Variants in EHBP1L1 observed in about 807,000 individuals in gnomAD.
EHBP1L1 encodes EH domain binding protein 1 like 1, also known as EH domain-binding protein 1-like protein 1.
Under a neutral mutation model 151.1 loss-of-function variants are expected in EHBP1L1, and 122 were observed. The observed-to-expected ratio is 0.81, with a 90% CI of 0.70 to 0.94. The LOEUF (loss-of-function observed/expected upper bound fraction) is 0.94. Ranked by LOEUF, EHBP1L1 falls within the 40% of genes least tolerant of loss-of-function variation. The probability of loss-of-function intolerance (pLI) is 0.00; values close to 1 mark genes in which losing one functional copy is unlikely to be tolerated. For missense variants in EHBP1L1, 1,941 were observed against 1,959.8 expected, an observed-to-expected ratio of 0.99 and a Z score of 0.18; for synonymous variants, 878 against 810.1, an observed-to-expected ratio of 1.08 and a Z score of -1.42.
chr11:65,590,404 A>G, intron 15 of EHBP1L1, 89 bp from the exon 16 acceptor site: 1 of 1,527,866 alleles, frequency 6.5e-7, no homozygotes, highest in Non-Finnish European at 8.9e-7. Context: ...GGATGTCACA[A>G]GGGAGCAAAC....
chr11:65,584,621 G>A (rs1474757053), intron 11 of EHBP1L1, 87 bp downstream of exon 11: 47 of 1,522,200 alleles, frequency 3.1e-5, no homozygotes, highest in Non-Finnish European at 3.9e-5. Context: ...GTGGACTGCC[G>A]GGCCCAGCAG....
At chr11:65,580,619 C>A (rs1337638136) in intron 6 of EHBP1L1, 140 bp downstream of exon 6, 1 of 1,138,326 alleles carries the variant, frequency 8.8e-7, no homozygotes, top group East Asian at 2.5e-5. Flanking sequence ...CCAGCAGCCT[C>A]AATTGTCCCA....
intron 3 of EHBP1L1, 63 bp from the exon 4 acceptor site, chr11:65,579,873 C>A: frequency 6.4e-7 from 1 of 1,554,626 alleles, no homozygotes; most frequent in Non-Finnish European, 8.9e-7. Context: ...CTGAGCCAGA[C>A]AAGCTCTGCT....
At chr11:65,584,599 G>T in intron 11 of EHBP1L1, 65 bp downstream of exon 11, 1 of 1,571,094 alleles carries the variant, frequency 6.4e-7, no homozygotes, top group East Asian at 2.3e-5. Flanking sequence ...CTCAGTGTCA[G>T]ATTTGGAGAA....
chr11:65,590,603 G>T lies in EHBP1L1; in HGVS notation c.4283+11G>T. The T allele has an allele frequency of 1.9e-6, 3 of 1,612,484 alleles. No individual in the cohort carries two copies. The highest frequency in any genetic ancestry group is 2.5e-6 in the Non-Finnish European group (3 of 1,179,404). ...CCAGCTGCAGCTGCTGTGAGTGCTGGCCCCGGGCCAGGAGAGCAGAGGGAC... is the reference window on the plus strand; with the variant it reads ...CCAGCTGCAGCTGCTGTGAGTGCTGTCCCCGGGCCAGGAGAGCAGAGGGAC... On this transcript the variant is annotated intron_variant, in intron 16 of 18. Transcript: ENST00000309295.
chr11:65,581,029 G>A, intron 6 of EHBP1L1, 29 bp from the exon 7 acceptor site: 1 of 1,576,668 alleles, frequency 6.3e-7, no homozygotes. Context: ...GGCTGACTCT[G>A]CCCTTCTCCC....
chr11:65,592,125 G>T (rs775053431), intron 18 of EHBP1L1, 35 bp downstream of exon 18: 3 of 1,610,662 alleles, frequency 1.9e-6, no homozygotes, highest in Non-Finnish European at 2.5e-6. Flanking sequence ...GAGTTGGGAG[G>T]GTCCGGGACT....
In EHBP1L1 at chr11:65,580,099, A is replaced by G. The variant is rs770875938; in HGVS notation, c.331A>G (p.Lys111Glu). The change falls in exon 5 of 19, where the codon AAG becomes GAG. Residue 111 changes from lysine to glutamate, a missense_variant. By Grantham distance (56) the Lys-to-Glu change is moderately conservative. Coordinates refer to ENST00000309295, the MANE Select transcript of EHBP1L1 (RefSeq NM_001099409.3). ...IIENESKGQRKVLATAEVDLA... is the reference protein window; with the variant it reads ...IIENESKGQREVLATAEVDLA... The stretch of plus-strand genomic sequence containing the variant: ...CCCACAGGAGTCTAAGGGGCAGCGG[A>G]AGGTGCTGGCCACGGCCGAGGTGGA... The G allele has an allele frequency of 5.0e-6, 8 of 1,613,106 alleles. No homozygotes were observed. The Admixed American group carries it at 1.0e-4, about 20-fold the overall frequency.
In EHBP1L1 at chr11:65,582,149, G is replaced by C. The variant is rs1565123668; in HGVS notation, c.1477G>C (p.Gly493Arg). ...GCCTGCAGGGCACTCTGGGCAACTT[G>C]GTGACCTCGAGGGGGCCAGGGCTGC... Reference protein sequence around the residue: ...AEPAGHSGQLGDLEGARAAAG... With the variant: ...AEPAGHSGQLRDLEGARAAAG... The change falls in exon 9 of 19, where the codon GGT (glycine) becomes CGT (arginine). Residue 493 changes from glycine (G) to arginine (R), a missense_variant. Transcript: ENST00000309295. 1.3e-6 allele frequency: 2 copies of C among 1,586,900 alleles called. No individual in the cohort carries two copies. Among genetic ancestry groups the C allele is most frequent in the Non-Finnish European group, 1.7e-6 (2 of 1,167,042 alleles).
Position 65,582,468 on chromosome 11 carries a change from C to T in EHBP1L1, c.1796C>T (p.Thr599Ile), listed in dbSNP as rs7931052. The T allele has an allele frequency of 1.2e-6, 2 of 1,612,876 alleles. No homozygotes were observed. The highest frequency in any genetic ancestry group is 2.2e-5 in the South Asian group (2 of 91,080). ...VEGSGFPETR[T>I]LEIEILGALE... is the part of the protein sequence containing the mutation. ...GGGTCAGGGTTCCCAGAGACTAGGA[C>T]ACTAGAAATTGAGATATTGGGGGCC... Residue 599 changes from threonine (T) to isoleucine (I), a missense_variant, in exon 9 of 19, where the codon ACA becomes ATA. Physicochemically the swap from Thr to Ile is moderately conservative, Grantham distance 89 (BLOSUM62 -1). Transcript: ENST00000309295.
intron 6 of EHBP1L1, 156 bp from the exon 7 acceptor site, chr11:65,580,902 A>C: frequency 1.4e-6 from 2 of 1,427,966 alleles, no homozygotes; most frequent in Admixed American, 5.8e-5. Flanking sequence ...TTCTCTCCAC[A>C]TCTGTGGGCC....
At position 65,584,405 on chromosome 11, in the gene EHBP1L1, T is replaced by C. The variant is rs756996396; in HGVS notation, c.3251+7T>C. On this transcript the variant is annotated splice_region_variant and intron_variant, in intron 10 of 18. Transcript: ENST00000309295. ...GATTCTACCCAGACAAGATGTGAGC[T>C]GCCAGAGGGGTGGGAACGAATGGGG... The C allele has an allele frequency of 1.2e-6, 2 of 1,613,292 alleles. No homozygotes were observed. The highest frequency in any genetic ancestry group is 2.2e-5 in the East Asian group (1 of 44,856).
At position 65,585,180 on chromosome 11, in the gene EHBP1L1, C is replaced by T; in HGVS notation, c.3522C>T (p.Asp1174=). The T allele has an allele frequency of 7.8e-7, 1 of 1,288,572 alleles. No individual in the cohort carries two copies. Among genetic ancestry groups the T allele is most frequent in the Non-Finnish European group, 9.8e-7 (1 of 1,018,786 alleles). 79.8% of individuals were successfully genotyped at this position (1,288,572 alleles called of 1,614,324 possible). The part of the protein sequence containing the change: ...SAQPSPPDDL[D]AGGLAQRLRG... ...AGCCCAGCCCGCCCGACGACCTGGA[C>T]GCCGGAGGCCTGGCGCAGCGGCTGC... The change falls in exon 12 of 19, where the codon GAC becomes GAT. Residue 1174 remains aspartate (D), a synonymous_variant. Transcript: ENST00000309295. The surrounding 1 kb of genome is among the most constrained non-coding windows in gnomAD (Gnocchi z 4.0).
chr11:65,589,817 C>T lies in EHBP1L1; in HGVS notation c.4000C>T (p.Pro1334Ser). The change falls in exon 13 of 19, where the codon CCT becomes TCT. Residue 1334 changes from proline (P) to serine (S), a missense_variant. Pro to Ser is a moderately conservative substitution (Grantham distance 74). Coordinates refer to ENST00000309295, the MANE Select transcript of EHBP1L1 (RefSeq NM_001099409.3). ...PPTAADSQQPPGGSSPSEEPP... is the reference protein window; with the variant it reads ...PPTAADSQQPSGGSSPSEEPP... ...CACAGCTGCAGACTCTCAACAGCCC[C>T]CTGGTGAGTAGCAGGAGTGGTGACC... The T allele has an allele frequency of 1.9e-6, 3 of 1,563,452 alleles. No homozygotes were observed. Among genetic ancestry groups the T allele is most frequent in the East Asian group, 2.4e-5 (1 of 42,086 alleles).
chr11:65,590,006 G>C lies in EHBP1L1; in HGVS notation c.4059+15G>C. 6.2e-7 allele frequency: 1 copy of C among 1,606,132 alleles called. No individual in the cohort carries two copies. Among genetic ancestry groups the C allele is most frequent in the Non-Finnish European group, 8.5e-7 (1 of 1,174,204 alleles). ...AGGCTGGGCTGGTAAGGAGGGCTAA[G>C]TGGGAGGAGCTGATGGGTGAGCACC... On this transcript the variant is annotated intron_variant, in intron 14 of 18. Coordinates refer to ENST00000309295, the MANE Select transcript of EHBP1L1 (RefSeq NM_001099409.3).
At chr11:65,588,921 A>G (rs1000406774) in intron 12 of EHBP1L1, among the ~76,000 whole-genome samples, 13 of 151,960 alleles carry the variant, frequency 8.6e-5, no homozygotes, top group Middle Eastern at 3.2e-3. Context: ...AGGAGGGTCC[A>G]GGTCTGGGGA....
At position 65,585,438 on chromosome 11, in the gene EHBP1L1, G is replaced by A. The variant is rs1857912650; in HGVS notation, c.3780G>A (p.Gly1260=). 2 of 1,492,354 alleles carry A rather than the reference G, an allele frequency of 1.3e-6. No individual in the cohort carries two copies. Among genetic ancestry groups the A allele is most frequent in the East Asian group, 2.7e-5 (1 of 36,580 alleles). 92.4% of individuals were successfully genotyped at this position (1,492,354 alleles called of 1,614,324 possible). A position where few individuals can be genotyped will look rare whatever the true frequency, so the allele number is the denominator to read the frequency against. The change falls in exon 12 of 19, where the codon GGG becomes GGA. Residue 1260 remains glycine, a synonymous_variant. Coordinates refer to ENST00000309295, the MANE Select transcript of EHBP1L1 (RefSeq NM_001099409.3). This position sits in a 1 kb window ranked among gnomAD's most constrained non-coding sequence, Gnocchi z 4.0. ...GGCTGCGACGGCCCTCGGTCAACGG[G>A]GAGCCCGGGTCGGTGCCCCCGCCCC... is the stretch of plus-strand genomic sequence containing the variant. ...GVRLRRPSVN[G]EPGSVPPPRA...
At chr11:65,584,124 T>C (rs1857799076) in intron 9 of EHBP1L1, 117 bp from the exon 10 acceptor site, 1 of 1,504,290 alleles carries the variant, frequency 6.6e-7, no homozygotes, top group African/African-American at 1.4e-5. Flanking sequence ...CAGTGGTCTC[T>C]GGTGACCCCT....
chr11:65,587,865 G>A (rs1858054133), intron 12 of EHBP1L1, among the ~76,000 whole-genome samples: 1 of 152,212 alleles, frequency 6.6e-6, no homozygotes, highest in Non-Finnish European at 1.5e-5. Context: ...AGTGGGGAGG[G>A]TCGTGGTCCC....
Sources: allele counts gnomAD v4.1 joint callset (sites outside exome capture counted in the v4.1 genomes callset), GRCh38; gene constraint gnomAD v4.1.1; non-coding constraint Gnocchi (gnomAD v3.1); transcripts MANE v1.5; gene names NCBI Gene and HGNC (gene_info 2026-07-23, HGNC 2026-07-21).